RAB27B: variants seen among roughly 807,000 people sequenced by gnomAD.
RAB27B encodes ras-related protein Rab-27B.
RAB27B carries 15 observed loss-of-function variants against 24.6 expected under a neutral mutation model. That is an observed-to-expected ratio of 0.61 (90% CI 0.41 to 0.94). RAB27B has a LOEUF of 0.94. RAB27B is among the 40% of genes least tolerant of loss of function. The pLI, the probability that RAB27B is intolerant of heterozygous loss-of-function variation, is 0.00. For synonymous variants in RAB27B, 105 were observed against 92.5 expected (o/e 1.14, Z -0.78); for missense variants, 261 against 266.8 (o/e 0.98, Z 0.15).
chr18:54,829,756 C>G (rs538122665), intron 1 of RAB27B, among the ~76,000 whole-genome samples: 1 of 152,120 alleles, frequency 6.6e-6, no homozygotes. Flanking sequence ...AATGAATTTT[C>G]AAGCTGCTGT....
rs532478070 is a variant in RAB27B, at chr18:54,795,347, C to T, written c.-20+77206C>T. 2.6e-5 allele frequency among the ~76,000 whole-genome samples: 4 copies of T among 152,194 alleles called. No individual in the cohort carries two copies. The East Asian group carries it at 7.7e-4, about 29-fold the overall frequency. On this transcript the variant is annotated intron_variant, in intron 2 of 4. Coordinates refer to the RAB27B transcript ENST00000586570. ...GGATGTACATGTGTTACCGAAATGC[C>T]AAGGGTTTGATCTAGGTCCTCGCCA...
intron 2 of RAB27B, among the ~76,000 whole-genome samples, chr18:54,814,046 T>A (rs1425793639): frequency 2.0e-5 from 3 of 152,230 alleles, no homozygotes; most frequent in Non-Finnish European, 4.4e-5. Flanking sequence ...GCTTAGTTCA[T>A]ATGCATTGTG....
intron 1 of RAB27B, among the ~76,000 whole-genome samples, chr18:54,860,464 C>T (rs892557445): frequency 6.6e-6 from 1 of 152,170 alleles, no homozygotes; most frequent in Non-Finnish European, 1.5e-5. Flanking sequence ...AGCTCTCCCT[C>T]TCTCCTTTCC....
At chr18:54,742,270 C>T (rs1598871780) in intron 2 of RAB27B, among the ~76,000 whole-genome samples, 1 of 152,028 alleles carries the variant, frequency 6.6e-6, no homozygotes, top group South Asian at 2.1e-4. Flanking sequence ...TTCTGGCAGT[C>T]GTAATGGTGG....
At chr18:54,886,964 T>C (rs1913163110) in intron 4 of RAB27B, among the ~76,000 whole-genome samples, 1 of 151,042 alleles carries the variant, frequency 6.6e-6, no homozygotes, top group Middle Eastern at 3.4e-3. Context: ...TTCCCTTTTT[T>C]TCTTACCATG....
intron 3 of RAB27B, among the ~76,000 whole-genome samples, chr18:54,882,043 A>G (rs948120135): frequency 6.6e-6 from 1 of 152,188 alleles, no homozygotes; most frequent in African/African-American, 2.4e-5. Context: ...GAATTATTCA[A>G]TCAAAGCACT....
At chr18:54,804,866 T>TTTC (rs1909721674) in intron 2 of RAB27B, among the ~76,000 whole-genome samples, 2 of 65,890 alleles carry the variant, frequency 3.0e-5, no homozygotes, top group African/African-American at 9.1e-5. Flanking sequence ...CCTTCCTTTC[T>TTTC]TTTTTTCTTT....
intron 2 of RAB27B, among the ~76,000 whole-genome samples, chr18:54,801,015 T>TTG (rs1555657490): frequency 7.0e-6 from 1 of 142,828 alleles, no homozygotes; most frequent in Non-Finnish European, 1.5e-5. Context: ...TGTGTTTTTT[T>TTG]TTTTTTTTTT....
At chr18:54,881,351 C>G (rs1482802192) in intron 3 of RAB27B, among the ~76,000 whole-genome samples, 2 of 151,860 alleles carry the variant, frequency 1.3e-5, no homozygotes, top group African/African-American at 4.8e-5. Context: ...GCTGGAAAGT[C>G]CTTGGACGTG....
rs928269776 is a variant in RAB27B at position 54,745,742 on chromosome 18, A to G, written c.-20+27601A>G. ...TCAATCAGTAAATATTTATTGGGAT[A>G]TGTATTCATAAATATTTATAAATAT... is the stretch of plus-strand genomic sequence containing the variant. On this transcript the variant is annotated intron_variant, in intron 2 of 4. Coordinates refer to the RAB27B transcript ENST00000586570. 4.7e-5 allele frequency among the ~76,000 whole-genome samples: 7 copies of G among 148,286 alleles called. No homozygotes were observed. In the South Asian group the frequency reaches 1.5e-3, roughly 31 times the overall value.
chr18:54,813,834 AT>A (rs960665312), intron 2 of RAB27B, among the ~76,000 whole-genome samples: 12 of 152,122 alleles, frequency 7.9e-5, no homozygotes, highest in South Asian at 4.2e-4. Flanking sequence ...CCAGGTTATC[AT>A]TTTTTTTAAT....
chr18:54,858,407 C>T (rs1205849034), intron 1 of RAB27B, among the ~76,000 whole-genome samples: 4 of 130,900 alleles, frequency 3.1e-5, no homozygotes, highest in South Asian at 4.7e-4. Flanking sequence ...TTTTTTGAGA[C>T]GGAGTCTCGC....
At chr18:54,861,847 A>G (rs79835132) in intron 1 of RAB27B, among the ~76,000 whole-genome samples, 3,242 of 152,312 alleles carry the variant, frequency 0.021, 113 homozygotes, top group African/African-American at 0.073. Context: ...ACTGATCTCA[A>G]GGAAGGCATT....
chr18:54,788,905 G>A (rs969111111), intron 2 of RAB27B, among the ~76,000 whole-genome samples: 3 of 152,304 alleles, frequency 2.0e-5, no homozygotes, highest in African/African-American at 7.2e-5. Flanking sequence ...GAACTTGGTA[G>A]CACAGGAGTG....
chr18:54,786,912 A>G (rs918990998), intron 2 of RAB27B, among the ~76,000 whole-genome samples: 66 of 152,244 alleles, frequency 4.3e-4, no homozygotes, highest in African/African-American at 1.4e-3. Flanking sequence ...CTATTTAAGC[A>G]CATCACTCTG....
intron 2 of RAB27B, among the ~76,000 whole-genome samples, chr18:54,728,364 A>T (rs974952390): frequency 6.6e-6 from 1 of 151,994 alleles, no homozygotes; most frequent in Non-Finnish European, 1.5e-5. Context: ...GTTATCTTTT[A>T]CTCTTGCCCC....
chr18:54,769,335 CTG>C (rs1012047488), intron 2 of RAB27B, among the ~76,000 whole-genome samples: 2 of 152,288 alleles, frequency 1.3e-5, no homozygotes. Context: ...GGGCAGTCCA[CTG>C]TGTGTAAAAT....
chr18:54,850,464 C>T (rs1338677190), intron 1 of RAB27B, among the ~76,000 whole-genome samples: 1 of 150,618 alleles, frequency 6.6e-6, no homozygotes, highest in Non-Finnish European at 1.5e-5. Flanking sequence ...CTCTGCCTCC[C>T]AGGTTCAAGT....
intron 2 of RAB27B, among the ~76,000 whole-genome samples, chr18:54,738,011 C>G (rs889236554): frequency 1.3e-5 from 2 of 151,916 alleles, no homozygotes; most frequent in Non-Finnish European, 2.9e-5. Flanking sequence ...TATATGCTAC[C>G]TGCTGAATGG....
Sources: allele counts gnomAD v4.1 joint callset (sites outside exome capture counted in the v4.1 genomes callset), GRCh38; gene constraint gnomAD v4.1.1; transcripts MANE v1.5; gene names NCBI Gene and HGNC (gene_info 2026-07-23, HGNC 2026-07-21).